The following SCAPER variants were observed in gnomAD, a reference collection of about 807,000 sequenced individuals.
SCAPER encodes S phase cyclin A-associated protein in the endoplasmic reticulum.
In SCAPER, 98 loss-of-function variants were observed where a neutral mutation model predicts 182.2. That is an observed-to-expected ratio of 0.54 (90% CI 0.46 to 0.64). The LOEUF (loss-of-function observed/expected upper bound fraction) is 0.64. SCAPER is among the 30% of genes least tolerant of loss of function. SCAPER has a pLI of 0.00. For missense variants in SCAPER, 1,432 were observed against 1,690.0 expected (o/e 0.85, Z 2.68); for synonymous variants, 605 against 564.6 (o/e 1.07, Z -1.01).
chr15:76,444,294 G>A (rs994854085), intron 25 of SCAPER, among the ~76,000 whole-genome samples: 1 of 152,124 alleles, frequency 6.6e-6, no homozygotes, highest in Non-Finnish European at 1.5e-5. Context: ...GCACTGACAT[G>A]GTTAAATTCC....
intron 22 of SCAPER, among the ~76,000 whole-genome samples, chr15:76,578,163 T>C (rs2047994513): frequency 6.6e-6 from 1 of 151,974 alleles, no homozygotes; most frequent in African/African-American, 2.4e-5. Context: ...GTCTTGTGGT[T>C]TGGGTGTCAG....
At chr15:76,739,872 A>G (rs2061455890) in intron 15 of SCAPER, among the ~76,000 whole-genome samples, 1 of 152,116 alleles carries the variant, frequency 6.6e-6, no homozygotes, top group African/African-American at 2.4e-5. Flanking sequence ...GTAAAAACCA[A>G]CCCCAAATAA....
At chr15:76,663,503 C>A (rs2146728948) in intron 21 of SCAPER, among the ~76,000 whole-genome samples, 1 of 151,770 alleles carries the variant, frequency 6.6e-6, no homozygotes, top group Non-Finnish European at 1.5e-5. Flanking sequence ...GTGGTATATC[C>A]ATACAATGGA....
chr15:76,661,377 T>C (rs2056147982), intron 21 of SCAPER, among the ~76,000 whole-genome samples: 2 of 152,092 alleles, frequency 1.3e-5, no homozygotes, highest in East Asian at 1.9e-4. Flanking sequence ...CAAACTATCA[T>C]AAGAGCAAAC....
intron 23 of SCAPER, among the ~76,000 whole-genome samples, chr15:76,506,533 T>C (rs1224708127): frequency 6.6e-6 from 1 of 152,070 alleles, no homozygotes; most frequent in Non-Finnish European, 1.5e-5. Context: ...GGGAATCAAC[T>C]ATATAATGGG....
intron 16 of SCAPER, among the ~76,000 whole-genome samples, chr15:76,731,505 T>C (rs1281414396): frequency 6.6e-6 from 1 of 152,262 alleles, no homozygotes; most frequent in African/African-American, 2.4e-5. Context: ...ATGAGAATGC[T>C]TCAAGAGTAA....
chr15:76,517,805 C>T (rs976945964), intron 23 of SCAPER, among the ~76,000 whole-genome samples: 51 of 152,072 alleles, frequency 3.4e-4, no homozygotes, highest in Middle Eastern at 3.4e-3. Flanking sequence ...TAGAATACCA[C>T]ATGCATTTAG....
rs111578787 is a variant in SCAPER, at chr15:76,729,327, T to C, written c.2023-590A>G. 9.4e-3 allele frequency among the ~76,000 whole-genome samples: 1,237 copies of C among 130,942 alleles called. 10 individuals carry two copies. The highest frequency in any genetic ancestry group is 0.036 in the African/African-American group (1,135 of 31,294). 85.9% of individuals were successfully genotyped at this position (130,942 alleles called of 152,430 possible). On this transcript the variant is annotated intron_variant, in intron 16 of 31. Transcript: ENST00000563290. The stretch of plus-strand genomic sequence containing the variant: ...ACACACACACACACACACACACACA[T>C]ATACATATATATCCTATTAGTTCTG...
At chr15:76,588,591 A>G (rs1327232808) in intron 22 of SCAPER, among the ~76,000 whole-genome samples, 4 of 152,188 alleles carry the variant, frequency 2.6e-5, no homozygotes, top group African/African-American at 9.7e-5. Flanking sequence ...GGCCATTTAC[A>G]TTCAACGTGA....
chr15:76,766,206 C>G (rs542649638), intron 11 of SCAPER, among the ~76,000 whole-genome samples: 1 of 152,124 alleles, frequency 6.6e-6, no homozygotes, highest in African/African-American at 2.4e-5. Flanking sequence ...AAACTATTCT[C>G]CTGCCTCAGC....
intron 28 of SCAPER, among the ~76,000 whole-genome samples, chr15:76,379,340 T>C (rs1245565238): frequency 1.3e-5 from 2 of 151,264 alleles, no homozygotes; most frequent in Admixed American, 6.6e-5. Flanking sequence ...AAATATAGAG[T>C]TGCATGAGAA....
Position 76,621,744 on chromosome 15 carries a change from C to G in SCAPER, c.2711+20G>C. On this transcript the variant is annotated intron_variant, in intron 22 of 31. Coordinates refer to ENST00000563290, the MANE Select transcript of SCAPER (RefSeq NM_020843.4). ...AGGCATAGACTGAAGAAAAGGAGAA[C>G]TAAAATGTGGAATACTCACTTTGCT... is the stretch of plus-strand genomic sequence containing the variant. The G allele has an allele frequency of 1.9e-6, 3 of 1,591,990 alleles. No homozygotes were observed. The highest frequency in any genetic ancestry group is 2.6e-6 in the Non-Finnish European group (3 of 1,167,254).
At chr15:76,824,529 A>G (rs2067835713) in intron 5 of SCAPER, among the ~76,000 whole-genome samples, 1 of 149,344 alleles carries the variant, frequency 6.7e-6, no homozygotes, top group South Asian at 2.1e-4. Flanking sequence ...AACCTTTATG[A>G]AAAAAAATGA....
At chr15:76,632,821 G>A (rs1037666273) in intron 21 of SCAPER, among the ~76,000 whole-genome samples, 2 of 135,936 alleles carry the variant, frequency 1.5e-5, no homozygotes, top group Non-Finnish European at 3.0e-5. Context: ...CACCCAGGCT[G>A]GAGTGCAGTG....
Position 76,491,961 on chromosome 15 carries a change from C to T in SCAPER, c.2954+12898G>A, listed in dbSNP as rs538409522. Among the ~76,000 whole-genome samples the T allele has an allele frequency of 8.5e-5, 13 of 152,242 alleles. No homozygotes were observed. In the South Asian group the frequency reaches 2.5e-3, roughly 29 times the overall value. Reference sequence around the variant, plus strand: ...TTGTTTTTTAAGCAATTCTAATTGACACGTTGAAGTGTCTCACTGTAGTTT... The same window carrying T: ...TTGTTTTTTAAGCAATTCTAATTGATACGTTGAAGTGTCTCACTGTAGTTT... On this transcript the variant is annotated intron_variant, in intron 24 of 31. Coordinates refer to ENST00000563290, the MANE Select transcript of SCAPER (RefSeq NM_020843.4).
chr15:76,780,077 G>A (rs950864641), intron 8 of SCAPER, among the ~76,000 whole-genome samples: 2 of 152,200 alleles, frequency 1.3e-5, no homozygotes, highest in Non-Finnish European at 1.5e-5. Context: ...GCTGGGTGCC[G>A]CCTCACCCAG....
At chr15:76,889,635 T>C (rs1251827128) in intron 1 of SCAPER, among the ~76,000 whole-genome samples, 2 of 152,302 alleles carry the variant, frequency 1.3e-5, no homozygotes, top group East Asian at 3.9e-4. Context: ...CCTAAATATA[T>C]ACGCACCCAA....
In SCAPER at chr15:76,765,429, T is replaced by C. The variant is rs778464764; in HGVS notation, c.1521A>G (p.Thr507=). The C allele has an allele frequency of 3.1e-6, 5 of 1,614,006 alleles. No homozygotes were observed. Among genetic ancestry groups the C allele is most frequent in the East Asian group, 2.2e-5 (1 of 44,880 alleles). The change falls in exon 13 of 32, where the codon ACA becomes ACG. Residue 507 remains threonine, a synonymous_variant. Coordinates refer to ENST00000563290, the MANE Select transcript of SCAPER (RefSeq NM_020843.4). Reference sequence around the variant, plus strand: ...CTTCTTCTACAATGTCCCCCCAGGATGTATTTTGGCGCCAAGACTCACGAG... The same window carrying C: ...CTTCTTCTACAATGTCCCCCCAGGACGTATTTTGGCGCCAAGACTCACGAG... ...YEARESWRQN[T]SWGDIVEEEP...
intron 5 of SCAPER, among the ~76,000 whole-genome samples, chr15:76,829,677 C>T (rs1291496688): frequency 1.3e-5 from 2 of 152,144 alleles, no homozygotes; most frequent in Non-Finnish European, 2.9e-5. Context: ...ACCTTTTTAG[C>T]ATATGACTGG....
Sources: allele counts gnomAD v4.1 joint callset (sites outside exome capture counted in the v4.1 genomes callset), GRCh38; gene constraint gnomAD v4.1.1; transcripts MANE v1.5; gene names NCBI Gene and HGNC (gene_info 2026-07-23, HGNC 2026-07-21).